The following GVQW3 variants were observed in gnomAD, a reference collection of about 807,000 sequenced individuals.
GVQW3 encodes the protein protein GVQW3.
GVQW3 carries 7 observed loss-of-function variants against 12.5 expected under a neutral mutation model. The observed-to-expected ratio is 0.56, with a 90% CI of 0.32 to 1.05. The LOEUF (loss-of-function observed/expected upper bound fraction) is 1.05. Ranked by LOEUF, GVQW3 falls within the 50% of genes least tolerant of loss-of-function variation. GVQW3 has a pLI of 0.04. For synonymous variants in GVQW3, 71 were observed against 67.2 expected (o/e 1.06, Z -0.28); for missense variants, 188 against 190.8 (o/e 0.99, Z 0.09).
rs148851879 is a variant in GVQW3 at position 76,394,187 on chromosome 11, C to T, written c.466-9473C>T. 4.3e-3 allele frequency among the ~76,000 whole-genome samples: 655 copies of T among 152,316 alleles called. 8 individuals are homozygous for T. Among genetic ancestry groups the T allele is most frequent in the African/African-American group, 0.015 (635 of 41,568 alleles). On this transcript the variant is annotated intron_variant, in intron 1 of 1. Coordinates refer to ENST00000529331, the MANE Select transcript of GVQW3 (RefSeq NM_001347885.2). The stretch of plus-strand genomic sequence containing the variant: ...GTGTGATTATAGGCGTGAGCCACCA[C>T]GCCCAGCCTTCCTTTAGTTATTTTT...
intron 1 of GVQW3, among the ~76,000 whole-genome samples, chr11:76,401,787 A>G (rs1465862516): frequency 6.6e-6 from 1 of 151,408 alleles, no homozygotes; most frequent in Non-Finnish European, 1.5e-5. Flanking sequence ...AAAAAAAAAA[A>G]AAAAGAAAGA....
In GVQW3 at chr11:76,404,159, G is replaced by C. The variant is rs1361602295; in HGVS notation, c.*401G>C. ...ATTTATTTTAGACTAGTTAAGTTCAGTAGTGAGAAAGAGGGAAGGAATAGA... is the reference window on the plus strand; with the variant it reads ...ATTTATTTTAGACTAGTTAAGTTCACTAGTGAGAAAGAGGGAAGGAATAGA... On this transcript the variant is annotated 3_prime_UTR_variant, in exon 2 of 2. Coordinates refer to ENST00000529331, the MANE Select transcript of GVQW3 (RefSeq NM_001347885.2). 1 of 428,172 alleles carries C rather than the reference G, an allele frequency of 2.3e-6. No individual in the cohort carries two copies. The highest frequency in any genetic ancestry group is 4.1e-6 in the Non-Finnish European group (1 of 241,398). 26.5% of individuals were successfully genotyped at this position (428,172 alleles called of 1,614,324 possible).
At chr11:76,391,444 T>G (rs1946891336) in intron 1 of GVQW3, among the ~76,000 whole-genome samples, 1 of 152,224 alleles carries the variant, frequency 6.6e-6, no homozygotes, top group Admixed American at 6.5e-5. Flanking sequence ...GTTTGCAGTA[T>G]TAGAAGGAAA....
intron 1 of GVQW3, among the ~76,000 whole-genome samples, chr11:76,393,386 A>T (rs1356148754): frequency 6.6e-6 from 1 of 151,992 alleles, no homozygotes. Context: ...TTTCCCTAAC[A>T]TCTCTTACTG....
At chr11:76,396,434 C>G (rs1048234928) in intron 1 of GVQW3, among the ~76,000 whole-genome samples, 1 of 143,944 alleles carries the variant, frequency 6.9e-6, no homozygotes, top group Non-Finnish European at 1.5e-5. Context: ...CCCACCACAG[C>G]CCCCGAAGTA....
chr11:76,403,015 T>G (rs1485863183), intron 1 of GVQW3, among the ~76,000 whole-genome samples: 2 of 152,134 alleles, frequency 1.3e-5, no homozygotes, highest in Non-Finnish European at 2.9e-5. Context: ...TGGCGCAATC[T>G]CGGCTCATTG....
At chr11:76,391,469 A>G (rs549465737) in intron 1 of GVQW3, among the ~76,000 whole-genome samples, 18 of 152,378 alleles carry the variant, frequency 1.2e-4, no homozygotes, top group Non-Finnish European at 2.4e-4. Context: ...CTACTGCATT[A>G]TTTATGGGAG....
intron 1 of GVQW3, among the ~76,000 whole-genome samples, chr11:76,402,539 C>G (rs560984529): frequency 6.9e-6 from 1 of 143,948 alleles, no homozygotes; most frequent in Non-Finnish European, 1.5e-5. Flanking sequence ...GATGACAGAG[C>G]GAGACTCTGT....
At chr11:76,396,155 T>G (rs1373818587) in intron 1 of GVQW3, among the ~76,000 whole-genome samples, 2 of 152,206 alleles carry the variant, frequency 1.3e-5, no homozygotes, top group African/African-American at 4.8e-5. Context: ...TGGTGAACTT[T>G]TCCTTTTATC....
chr11:76,409,512 CT>C (rs1157454423), downstream of GVQW3, among the ~76,000 whole-genome samples: 1 of 152,120 alleles, frequency 6.6e-6, no homozygotes, highest in Non-Finnish European at 1.5e-5. Flanking sequence ...TGAAAATATT[CT>C]TATGTGTCAG....
chr11:76,383,411 G>C (rs1478660210), intron 1 of GVQW3: 1 of 152,320 alleles, frequency 6.6e-6, no homozygotes, highest in Non-Finnish European at 1.5e-5. Context: ...ATGAGGATGG[G>C]TGAGACAGGG....
rs1435934490 is a variant in GVQW3, at chr11:76,382,049, A to G, written c.221A>G (p.Asn74Ser). ...GRPVTHRTDD[N>S]IQKVKDLVCS... The stretch of plus-strand genomic sequence containing the variant: ...CCAGTCACCCACCGAACAGATGACA[A>G]TATCCAGAAGGTCAAGGACTTGGTT... Residue 74 changes from asparagine to serine, a missense_variant, in exon 1 of 2, where the codon AAT (asparagine) becomes AGT (serine). Physicochemically the swap from Asn to Ser is conservative, Grantham distance 46. Transcript: ENST00000529331. The G allele has an allele frequency of 7.8e-6, 12 of 1,536,602 alleles. No individual in the cohort carries two copies. The highest frequency in any genetic ancestry group is 1.4e-5 in the African/African-American group (1 of 73,188).
At chr11:76,392,565 T>C (rs1334831398) in intron 1 of GVQW3, 1 of 152,260 alleles carries the variant, frequency 6.6e-6, no homozygotes, top group Non-Finnish European at 1.5e-5. Flanking sequence ...CCATCGGTAA[T>C]TATTTCCTTT....
chr11:76,391,632 T>G (rs1449870214), intron 1 of GVQW3, among the ~76,000 whole-genome samples: 1 of 152,182 alleles, frequency 6.6e-6, no homozygotes, highest in Admixed American at 6.5e-5. Context: ...ATCAGACCCA[T>G]CTCCTTGCCT....
intron 1 of GVQW3, among the ~76,000 whole-genome samples, chr11:76,397,763 T>A (rs1158323654): frequency 6.6e-6 from 1 of 152,228 alleles, no homozygotes; most frequent in Non-Finnish European, 1.5e-5. Context: ...GTAAAATAAT[T>A]AAGAAGGCAT....
chr11:76,404,733 G>A lies in GVQW3; in HGVS notation c.*975G>A, dbSNP rs1482950650. ...TTGAGTCCTGCTGGGTTTGGGCAAT[G>A]TCTCAGCAGAGACTGGCATACTCTC... On this transcript the variant is annotated 3_prime_UTR_variant, in exon 2 of 2. Transcript: ENST00000529331. 6.6e-6 allele frequency: 1 copy of A among 152,278 alleles called. No individual in the cohort carries two copies. Among genetic ancestry groups the A allele is most frequent in the African/African-American group, 2.4e-5 (1 of 41,460 alleles). The allele number at this position is 152,278 out of a possible 1,614,324, so 9.4% of individuals were successfully genotyped here. A position where few individuals can be genotyped will look rare whatever the true frequency, so the allele number is the denominator to read the frequency against.
At position 76,404,914 on chromosome 11, in the gene GVQW3, G is replaced by T. The variant is rs1251173896; in HGVS notation, c.*1156G>T. ...AAAGAAGGCATTTCAAGTCTCTATAGGTTGGGGACTTTAATGAGTGTAAAT... is the reference window on the plus strand; with the variant it reads ...AAAGAAGGCATTTCAAGTCTCTATATGTTGGGGACTTTAATGAGTGTAAAT... On this transcript the variant is annotated 3_prime_UTR_variant, in exon 2 of 2. Transcript: ENST00000529331. 1 of 152,264 alleles carries T rather than the reference G, an allele frequency of 6.6e-6. No homozygotes were observed. The highest frequency in any genetic ancestry group is 6.5e-5 in the Admixed American group (1 of 15,280). The allele number at this position is 152,264 out of a possible 1,614,324, so 9.4% of individuals were successfully genotyped here.
rs927228650 is a variant in GVQW3, at chr11:76,406,325, G to A, written c.*2567G>A. On this transcript the variant is annotated 3_prime_UTR_variant, in exon 2 of 2. Transcript: ENST00000529331. ...ACCTGTCCCTGGGGCTATCCACAGA[G>A]TAACGATGAAGTCATGAGAGGAGGT... 3 of 152,346 alleles carry A rather than the reference G, an allele frequency of 2.0e-5. No individual in the cohort carries two copies. Among genetic ancestry groups the A allele is most frequent in the Admixed American group, 6.5e-5 (1 of 15,284 alleles). 9.4% of individuals were successfully genotyped at this position (152,346 alleles called of 1,614,324 possible).
At chr11:76,382,707 T>C (rs2134530424) in intron 1 of GVQW3, 1 of 443,734 alleles carries the variant, frequency 2.3e-6, no homozygotes, top group Non-Finnish European at 4.0e-6. Flanking sequence ...TTGGATTTCT[T>C]CTCTGCCCAG....
Sources: allele counts gnomAD v4.1 joint callset (sites outside exome capture counted in the v4.1 genomes callset), GRCh38; gene constraint gnomAD v4.1.1; transcripts MANE v1.5; gene names NCBI Gene and HGNC (gene_info 2026-07-23, HGNC 2026-07-21).